The following CFAP299 variants were observed in gnomAD, a reference collection of about 807,000 sequenced individuals.
The protein encoded by CFAP299 is cilia and flagella associated protein 299.
CFAP299 carries 21 observed loss-of-function variants against 27.0 expected under a neutral mutation model. The observed-to-expected ratio is 0.78, with a 90% CI of 0.55 to 1.12. The LOEUF (loss-of-function observed/expected upper bound fraction) is 1.12, where lower values mean the gene tolerates loss of function less well. Ranked by LOEUF, CFAP299 falls within the 50% of genes most tolerant of loss-of-function variation. The pLI is 0.00. For synonymous variants in CFAP299, 104 were observed against 98.1 expected (o/e 1.06, Z -0.36); for missense variants, 310 against 276.6 (o/e 1.12, Z -0.86).
At chr4:80,891,496 T>C (rs1010270620) in intron 4 of CFAP299, among the ~76,000 whole-genome samples, 3 of 147,620 alleles carry the variant, frequency 2.0e-5, no homozygotes, top group African/African-American at 7.6e-5. Flanking sequence ...TCCATCATTC[T>C]CAGTAAACTA....
chr4:80,531,487 G>A lies in CFAP299; in HGVS notation c.243-51606G>A, dbSNP rs149002336. Among the ~76,000 whole-genome samples, 4 of 152,100 alleles carry A rather than the reference G, an allele frequency of 2.6e-5. No homozygotes were observed. The South Asian group carries it at 8.3e-4, about 31-fold the overall frequency. ...AGGGAACTAGGCACCACCTACAGTTGATATAATTTTCAATTTGCAATTATA... is the reference window on the plus strand; with the variant it reads ...AGGGAACTAGGCACCACCTACAGTTAATATAATTTTCAATTTGCAATTATA... On this transcript the variant is annotated intron_variant, in intron 2 of 5. Coordinates refer to ENST00000358105, the MANE Select transcript of CFAP299 (RefSeq NM_152770.3).
At chr4:80,344,877 C>T (rs1334607600) in intron 1 of CFAP299, among the ~76,000 whole-genome samples, 1 of 152,080 alleles carries the variant, frequency 6.6e-6, no homozygotes, top group Non-Finnish European at 1.5e-5. Flanking sequence ...ATAAACATAA[C>T]TAAAATAAAA....
rs141725850 is a variant in CFAP299, at chr4:80,700,333, C to T, written c.333+117150C>T. 4.0e-3 allele frequency among the ~76,000 whole-genome samples: 612 copies of T among 152,174 alleles called. 4 individuals are homozygous for T. The highest frequency in any genetic ancestry group is 0.02 in the South Asian group (95 of 4,824). ...TATAACTACTTAGAACAATGAATGG[C>T]ACTTAATAAACATTTAGTAAGTTTT... is the stretch of plus-strand genomic sequence containing the variant. On this transcript the variant is annotated intron_variant, in intron 3 of 5. Transcript: ENST00000358105.
intron 3 of CFAP299, among the ~76,000 whole-genome samples, chr4:80,764,874 T>C (rs965121153): frequency 6.6e-6 from 1 of 151,688 alleles, no homozygotes; most frequent in African/African-American, 2.4e-5. Context: ...CACTCATAAG[T>C]GGGAGTTGAA....
chr4:80,449,211 A>G (rs1393965090), intron 2 of CFAP299, among the ~76,000 whole-genome samples: 1 of 152,132 alleles, frequency 6.6e-6, no homozygotes, highest in African/African-American at 2.4e-5. Context: ...CAGTGTGACT[A>G]TTATTTGAAT....
intron 3 of CFAP299, among the ~76,000 whole-genome samples, chr4:80,596,362 T>C (rs1444919167): frequency 6.6e-6 from 1 of 152,220 alleles, no homozygotes; most frequent in Non-Finnish European, 1.5e-5. Flanking sequence ...ATAATTAGAC[T>C]GCAACGGGCA....
At chr4:80,671,533 A>C (rs995637180) in intron 3 of CFAP299, among the ~76,000 whole-genome samples, 3 of 152,176 alleles carry the variant, frequency 2.0e-5, no homozygotes, top group African/African-American at 7.2e-5. Context: ...TCTGTGAAGA[A>C]AGTTATTGGT....
intron 3 of CFAP299, among the ~76,000 whole-genome samples, chr4:80,640,733 T>C (rs1403871207): frequency 6.6e-6 from 1 of 152,222 alleles, no homozygotes; most frequent in Non-Finnish European, 1.5e-5. Context: ...TATTTTCTGG[T>C]GAATTATTAT....
intron 3 of CFAP299, among the ~76,000 whole-genome samples, chr4:80,721,033 A>G (rs552456717): frequency 1.3e-5 from 2 of 152,320 alleles, no homozygotes; most frequent in East Asian, 3.9e-4. Context: ...ATGATTATTC[A>G]AGAATTAGCA....
intron 3 of CFAP299, among the ~76,000 whole-genome samples, chr4:80,750,602 A>G (rs1006984986): frequency 3.3e-5 from 5 of 152,142 alleles, no homozygotes; most frequent in Non-Finnish European, 7.3e-5. Context: ...TTGGCTTGAA[A>G]CCAATCATTT....
chr4:80,680,684 C>T (rs997346481), intron 3 of CFAP299, among the ~76,000 whole-genome samples: 3 of 152,052 alleles, frequency 2.0e-5, no homozygotes, highest in African/African-American at 4.8e-5. Context: ...AAACTTGAAA[C>T]GTAAAGTTTG....
At chr4:80,554,765 T>C (rs185175989) in intron 2 of CFAP299, among the ~76,000 whole-genome samples, 89 of 152,252 alleles carry the variant, frequency 5.8e-4, no homozygotes, top group African/African-American at 2.1e-3. Context: ...GTGACAGTTG[T>C]GAATGGGATT....
chr4:80,729,944 C>G (rs1723409658), intron 3 of CFAP299, among the ~76,000 whole-genome samples: 1 of 152,006 alleles, frequency 6.6e-6, no homozygotes, highest in South Asian at 2.1e-4. Flanking sequence ...GACACAGTTT[C>G]CAAAACTATA....
At chr4:80,712,314 A>T (rs1015789875) in intron 3 of CFAP299, among the ~76,000 whole-genome samples, 4 of 152,226 alleles carry the variant, frequency 2.6e-5, no homozygotes, top group African/African-American at 9.6e-5. Flanking sequence ...TACTATTCAT[A>T]TTAGAAAGCC....
chr4:80,624,119 C>T (rs1738754593), intron 3 of CFAP299, among the ~76,000 whole-genome samples: 1 of 152,032 alleles, frequency 6.6e-6, no homozygotes, highest in Non-Finnish European at 1.5e-5. Context: ...GACAACATGA[C>T]ATCATCAAAA....
chr4:80,653,459 A>G (rs1224902312), intron 3 of CFAP299, among the ~76,000 whole-genome samples: 1 of 152,110 alleles, frequency 6.6e-6, no homozygotes, highest in Non-Finnish European at 1.5e-5. Context: ...CTACTCAAAT[A>G]TGCTTTCTAC....
chr4:80,570,639 T>C (rs547465945), intron 2 of CFAP299, among the ~76,000 whole-genome samples: 1 of 152,226 alleles, frequency 6.6e-6, no homozygotes, highest in South Asian at 2.1e-4. Context: ...TTTCACACTC[T>C]CATAGTGAAG....
rs567027852 is a variant in CFAP299, at chr4:80,559,061, G to C, written c.243-24032G>C. Among the ~76,000 whole-genome samples, 4 of 152,204 alleles carry C rather than the reference G, an allele frequency of 2.6e-5. No individual in the cohort carries two copies. The South Asian group carries it at 8.3e-4, about 32-fold the overall frequency. ...CCACAAATTGTGCAGGTCTTGGCTG[G>C]GGTAGCTTGTTTCTGCTCCATGTGG... On this transcript the variant is annotated intron_variant, in intron 2 of 5. Coordinates refer to ENST00000358105, the MANE Select transcript of CFAP299 (RefSeq NM_152770.3).
chr4:80,777,503 C>A (rs931931882), intron 3 of CFAP299, among the ~76,000 whole-genome samples: 1 of 152,080 alleles, frequency 6.6e-6, no homozygotes, highest in African/African-American at 2.4e-5. Flanking sequence ...CTCAGCCTGG[C>A]ATACAGAGAA....
Sources: gnomAD v4.1 joint callset for allele counts (sites outside exome capture counted in the v4.1 genomes callset) on GRCh38, gnomAD v4.1.1 for gene constraint, MANE v1.5 for transcripts, NCBI Gene and HGNC (gene_info 2026-07-23, HGNC 2026-07-21) for gene names.